Variants in AFG2A observed in about 807,000 individuals in gnomAD.
AFG2A encodes AAA ATPase AFG2A.
At chr4:122,989,604 G>C in the AFG2A span, among the ~76,000 whole-genome samples, 3 of 152,116 alleles carry the variant, frequency 2.0e-5, no homozygotes, top group African/African-American at 7.2e-5. Context: ...TCGGAATTTG[G>C]GGCTGCAGGT....
chr4:123,074,751 T>C, the AFG2A span, among the ~76,000 whole-genome samples: 1 of 152,150 alleles, frequency 6.6e-6, no homozygotes, highest in African/African-American at 2.4e-5. Flanking sequence ...TGTAATTCAC[T>C]AGGATCTCTC....
chr4:123,191,939 G>C, the AFG2A span, among the ~76,000 whole-genome samples: 1 of 151,944 alleles, frequency 6.6e-6, no homozygotes, highest in Admixed American at 6.6e-5. Flanking sequence ...AACATCATCA[G>C]ATTTATCAGT....
At chr4:123,033,348 G>GTT in the AFG2A span, among the ~76,000 whole-genome samples, 1 of 151,330 alleles carries the variant, frequency 6.6e-6, no homozygotes, top group Non-Finnish European at 1.5e-5. Flanking sequence ...TTCCCTTTTT[G>GTT]TTTTTTTTAA....
chr4:122,959,706 A>G, the AFG2A span, among the ~76,000 whole-genome samples: 1 of 152,128 alleles, frequency 6.6e-6, no homozygotes, highest in South Asian at 2.1e-4. Flanking sequence ...TGAATACAAA[A>G]CCTCTGTAGT....
At chr4:122,995,075 A>G in the AFG2A span, among the ~76,000 whole-genome samples, 2 of 152,174 alleles carry the variant, frequency 1.3e-5, no homozygotes, top group African/African-American at 2.4e-5. Context: ...TTAATTGACT[A>G]TAATTATATT....
the AFG2A span, among the ~76,000 whole-genome samples, chr4:123,018,395 T>TTTACG: frequency 3.3e-5 from 5 of 152,216 alleles, no homozygotes; most frequent in Admixed American, 3.3e-4. Flanking sequence ...TATGATATAT[T>TTTACG]GTAAGTTATT....
chr4:123,014,850 G>A, the AFG2A span, among the ~76,000 whole-genome samples: 2 of 152,124 alleles, frequency 1.3e-5, no homozygotes, highest in Non-Finnish European at 2.9e-5. Context: ...TTACTAAAGA[G>A]CAACAAATCC....
chr4:123,304,574 C>T, the AFG2A span, among the ~76,000 whole-genome samples: 7 of 152,212 alleles, frequency 4.6e-5, no homozygotes, highest in Non-Finnish European at 7.3e-5. Context: ...CAACAGGTCA[C>T]AGGTGTTCCA....
chr4:123,197,916 A>T, the AFG2A span, among the ~76,000 whole-genome samples: 1 of 152,212 alleles, frequency 6.6e-6, no homozygotes, highest in Non-Finnish European at 1.5e-5. Context: ...AACACATTCC[A>T]TTTAAATAAC....
chr4:123,247,582 A>ATGTTTGTTTGTT, the AFG2A span, among the ~76,000 whole-genome samples: 63,661 of 149,462 alleles, frequency 0.43, 16,752 homozygotes, highest in Non-Finnish European at 0.56. Context: ...GCTAATTTTT[A>ATGTTTGTTTGTT]TGTTTGTTTG....
At chr4:123,279,991 G>C in the AFG2A span, among the ~76,000 whole-genome samples, 7 of 152,196 alleles carry the variant, frequency 4.6e-5, no homozygotes, top group African/African-American at 1.7e-4. Flanking sequence ...AAGTTAGTTC[G>C]CATTTATGAT....
At chr4:123,225,127 G>A in the AFG2A span, among the ~76,000 whole-genome samples, 1 of 152,158 alleles carries the variant, frequency 6.6e-6, no homozygotes, top group Non-Finnish European at 1.5e-5. Context: ...TGTCAGATGA[G>A]TAGATTGCAA....
At chr4:123,249,697 A>G in the AFG2A span, among the ~76,000 whole-genome samples, 3,282 of 152,276 alleles carry the variant, frequency 0.022, 110 homozygotes, top group African/African-American at 0.074. Flanking sequence ...GTGTTGAATA[A>G]AATGAATATG....
At chr4:123,201,050 T>C in the AFG2A span, among the ~76,000 whole-genome samples, 2 of 152,240 alleles carry the variant, frequency 1.3e-5, no homozygotes, top group African/African-American at 4.8e-5. Flanking sequence ...CATTAAAGTT[T>C]TGTTTGAAAT....
At chr4:123,091,763 A>AT in the AFG2A span, among the ~76,000 whole-genome samples, 3 of 152,204 alleles carry the variant, frequency 2.0e-5, no homozygotes, top group Non-Finnish European at 4.4e-5. Flanking sequence ...GAGTTCAGTA[A>AT]TTTAAGTTCC....
At chr4:122,938,284 T>A in the AFG2A span, 1 of 1,483,094 alleles carries the variant, frequency 6.7e-7, no homozygotes, top group South Asian at 1.5e-5. Context: ...CTGTGTAGGG[T>A]TAATTCTTAA....
the AFG2A span, among the ~76,000 whole-genome samples, chr4:123,253,399 G>A: frequency 2.0e-5 from 3 of 151,630 alleles, no homozygotes; most frequent in Non-Finnish European, 2.9e-5. Context: ...CAGGAGAATT[G>A]CTCGAACCCA....
chr4:123,113,857 T>C, the AFG2A span, among the ~76,000 whole-genome samples: 1 of 152,118 alleles, frequency 6.6e-6, no homozygotes, highest in African/African-American at 2.4e-5. Flanking sequence ...AGGCCTGCAG[T>C]GAGTAGCTCC....
the AFG2A span, among the ~76,000 whole-genome samples, chr4:123,055,024 C>T: frequency 3.3e-5 from 5 of 152,102 alleles, no homozygotes; most frequent in African/African-American, 1.2e-4. Context: ...TCATAAAACC[C>T]TTCCTATTGC....
Sources: allele counts gnomAD v4.1 joint callset (sites outside exome capture counted in the v4.1 genomes callset), GRCh38; gene constraint gnomAD v4.1.1; transcripts MANE v1.5; gene names NCBI Gene and HGNC (gene_info 2026-07-23, HGNC 2026-07-21).